Variants in CSGALNACT1 observed in about 807,000 individuals in gnomAD.
CSGALNACT1 encodes the protein beta4GalNAcT-1.
A neutral mutation model predicts 51.0 loss-of-function variants in CSGALNACT1; 52 were observed. The observed-to-expected ratio is 1.02, with a 90% CI of 0.82 to 1.29. CSGALNACT1 has a LOEUF of 1.29. Ranked by LOEUF, CSGALNACT1 falls within the 50% of genes most tolerant of loss-of-function variation. The pLI is 0.00. For synonymous variants in CSGALNACT1, 341 were observed against 254.4 expected, an observed-to-expected ratio of 1.34 and a Z score of -3.24; for missense variants, 935 against 679.2, an observed-to-expected ratio of 1.38 and a Z score of -4.19.
chr8:19,461,746 C>CGTATCCACACAGCACA (rs1563528824), intron 4 of CSGALNACT1, among the ~76,000 whole-genome samples: 3 of 140,450 alleles, frequency 2.1e-5, no homozygotes, highest in Non-Finnish European at 3.1e-5. Flanking sequence ...CGCACAGCGG[C>CGTATCCACACAGCACA]CACATTCACC....
chr8:19,463,064 G>C (rs1479028211), intron 4 of CSGALNACT1, among the ~76,000 whole-genome samples: 2 of 152,156 alleles, frequency 1.3e-5, no homozygotes, highest in African/African-American at 4.8e-5. Flanking sequence ...TTACAAGTGA[G>C]AACATGTGTT....
intron 4 of CSGALNACT1, among the ~76,000 whole-genome samples, chr8:19,486,277 C>G (rs1394208963): frequency 6.6e-6 from 1 of 152,084 alleles, no homozygotes; most frequent in South Asian, 2.1e-4. Flanking sequence ...TTGGTCCAGC[C>G]ACTCTCACCT....
chr8:19,563,667 A>G (rs147819929), intron 3 of CSGALNACT1, among the ~76,000 whole-genome samples: 67 of 152,134 alleles, frequency 4.4e-4, no homozygotes, highest in African/African-American at 1.6e-3. Context: ...CATTGTGACT[A>G]CCATGGTAGC....
At chr8:19,508,118 T>C (rs961583992) in intron 3 of CSGALNACT1, among the ~76,000 whole-genome samples, 1 of 152,232 alleles carries the variant, frequency 6.6e-6, no homozygotes, top group African/African-American at 2.4e-5. Context: ...TGGTAGTCTA[T>C]CCTATTTACC....
chr8:19,503,162 T>C (rs908307959), intron 4 of CSGALNACT1, among the ~76,000 whole-genome samples: 4 of 152,226 alleles, frequency 2.6e-5, no homozygotes, highest in African/African-American at 9.6e-5. Flanking sequence ...TCTATAAATA[T>C]ATTTAAAGTA....
chr8:19,435,572 A>G (rs2153737038), intron 6 of CSGALNACT1, among the ~76,000 whole-genome samples: 1 of 152,074 alleles, frequency 6.6e-6, no homozygotes, highest in African/African-American at 2.4e-5. Flanking sequence ...TCCATGAACC[A>G]CCCACATCAG....
rs542860924 is a variant in CSGALNACT1, at chr8:19,642,322, A to G, written c.-544+40151T>C. 4.6e-5 allele frequency among the ~76,000 whole-genome samples: 7 copies of G among 152,368 alleles called. No homozygotes were observed. In the South Asian group the frequency reaches 1.4e-3, roughly 32 times the overall value. On this transcript the variant is annotated intron_variant, in intron 1 of 9. Coordinates refer to the CSGALNACT1 transcript ENST00000332246. ...TGACTAAGTTCTAGAAAATAATTGT[A>G]AGGAGGAAGAATACAACTTCAAGAA...
At chr8:19,663,286 T>A (rs2058916473) in intron 1 of CSGALNACT1, among the ~76,000 whole-genome samples, 1 of 152,132 alleles carries the variant, frequency 6.6e-6, no homozygotes, top group Non-Finnish European at 1.5e-5. Flanking sequence ...ACCTGAGGTT[T>A]TTTTCTCCCC....
intron 3 of CSGALNACT1, among the ~76,000 whole-genome samples, chr8:19,530,538 T>A (rs73212597): frequency 0.42 from 63,158 of 151,916 alleles, 13,761 homozygotes; most frequent in African/African-American, 0.57. Flanking sequence ...CTCTTACTTC[T>A]AAAAAAATGT....
chr8:19,630,344 G>A (rs1440355030), intron 1 of CSGALNACT1, among the ~76,000 whole-genome samples: 1 of 151,922 alleles, frequency 6.6e-6, no homozygotes, highest in Non-Finnish European at 1.5e-5. Flanking sequence ...TTAATTTTTA[G>A]AGCAATTTTA....
intron 3 of CSGALNACT1, among the ~76,000 whole-genome samples, chr8:19,579,526 A>T (rs1311589204): frequency 2.0e-5 from 3 of 152,214 alleles, no homozygotes; most frequent in Non-Finnish European, 2.9e-5. Flanking sequence ...TTACAATAAC[A>T]TGTAATTATA....
intron 4 of CSGALNACT1, among the ~76,000 whole-genome samples, chr8:19,459,918 G>C (rs369216565): frequency 3.3e-4 from 50 of 152,314 alleles, no homozygotes; most frequent in African/African-American, 1.2e-3. Flanking sequence ...ACTCCACAGA[G>C]TGTCACTTGT....
rs143720385 is a variant in CSGALNACT1, at chr8:19,632,436, G to A, written c.-543-30571C>T. ...ATTAGGTGGCAAAGATGCCTAGAAA[G>A]TCTTCCAAACCAAATGGCAAAGCAT... On this transcript the variant is annotated intron_variant, in intron 1 of 9. Coordinates refer to the CSGALNACT1 transcript ENST00000332246. Among the ~76,000 whole-genome samples, 11 of 152,344 alleles carry A rather than the reference G, an allele frequency of 7.2e-5. No individual in the cohort carries two copies. In the East Asian group the frequency reaches 2.1e-3, roughly 29 times the overall value.
rs552491519 is a variant in CSGALNACT1 at position 19,527,898 on chromosome 8, T to C, written c.-296-21768A>G. Among the ~76,000 whole-genome samples, 12 of 152,232 alleles carry C rather than the reference T, an allele frequency of 7.9e-5. 1 individual carries two copies. The South Asian group carries it at 2.5e-3, about 32-fold the overall frequency. ...AAGAGCTGTACGCCAGAGAGGTAGATTCAGGGCCACTGGCATATTGATAGG... is the reference window on the plus strand; with the variant it reads ...AAGAGCTGTACGCCAGAGAGGTAGACTCAGGGCCACTGGCATATTGATAGG... On this transcript the variant is annotated intron_variant, in intron 3 of 9. Transcript: ENST00000454498.
At chr8:19,631,070 G>A (rs2055189280) in intron 1 of CSGALNACT1, among the ~76,000 whole-genome samples, 1 of 152,146 alleles carries the variant, frequency 6.6e-6, no homozygotes, top group Non-Finnish European at 1.5e-5. Context: ...CCATTTGTAT[G>A]ACCACACCAC....
chr8:19,437,658 A>G (rs2060598728), intron 6 of CSGALNACT1, among the ~76,000 whole-genome samples: 1 of 152,220 alleles, frequency 6.6e-6, no homozygotes, highest in Non-Finnish European at 1.5e-5. Flanking sequence ...AGGTATAGGT[A>G]TAGGTATATA....
chr8:19,563,450 A>C (rs146032781), intron 3 of CSGALNACT1, among the ~76,000 whole-genome samples: 161 of 152,210 alleles, frequency 1.1e-3, no homozygotes, highest in Middle Eastern at 0.01. Flanking sequence ...TAAATAGAAA[A>C]ATATTATTTT....
chr8:19,573,341 G>A (rs2043424255), intron 3 of CSGALNACT1, among the ~76,000 whole-genome samples: 1 of 152,182 alleles, frequency 6.6e-6, no homozygotes, highest in South Asian at 2.1e-4. Context: ...ATCCAGCAGT[G>A]GGCGGGTGGC....
At chr8:19,471,249 C>G (rs886884621) in intron 4 of CSGALNACT1, among the ~76,000 whole-genome samples, 1 of 152,250 alleles carries the variant, frequency 6.6e-6, no homozygotes, top group East Asian at 1.9e-4. Flanking sequence ...TGCTCAATGC[C>G]AAAGGGTAAG....
Sources: allele counts gnomAD v4.1 joint callset (sites outside exome capture counted in the v4.1 genomes callset), GRCh38; gene constraint gnomAD v4.1.1; transcripts MANE v1.5; gene names NCBI Gene and HGNC (gene_info 2026-07-23, HGNC 2026-07-21).